Variants in CAPN15 observed in about 807,000 individuals in gnomAD.
CAPN15 encodes calpain-15.
A neutral mutation model predicts 97.9 loss-of-function variants in CAPN15; 53 were observed. The observed-to-expected ratio is 0.54, with a 90% CI of 0.43 to 0.68. CAPN15 has a LOEUF of 0.68. CAPN15 is among the 30% of genes least tolerant of loss of function. The pLI is 0.00. For missense variants in CAPN15, 1,592 were observed against 1,589.8 expected (o/e 1.00, Z -0.02); for synonymous variants, 922 against 722.5 (o/e 1.28, Z -4.43).
chr16:549,967 C>T (rs1422021297), intron 7 of CAPN15, 129 bp downstream of exon 7: 3 of 734,682 alleles, frequency 4.1e-6, no homozygotes, highest in Non-Finnish European at 6.7e-6. Flanking sequence ...TGGGCTGACC[C>T]CGCGTGGCCA....
intron 3 of CAPN15, among the ~76,000 whole-genome samples, chr16:546,126 C>T (rs1358698760): frequency 6.6e-6 from 1 of 152,256 alleles, no homozygotes; most frequent in Non-Finnish European, 1.5e-5. Context: ...GCCCTCGCCA[C>T]GCGGGGCTGA....
rs368609287 is a variant in CAPN15, at chr16:551,715, G to A, written c.2345+51G>A. ...ACGCCGCCCCCGCCCTCCTAGGGCCGAGTCCTTCTCTGGAGAACAAGCCTG... is the reference window on the plus strand; with the variant it reads ...ACGCCGCCCCCGCCCTCCTAGGGCCAAGTCCTTCTCTGGAGAACAAGCCTG... On this transcript the variant is annotated intron_variant, in intron 9 of 13. Transcript: ENST00000219611. 82 of 1,574,810 alleles carry A rather than the reference G, an allele frequency of 5.2e-5. No individual in the cohort carries two copies. In the African/African-American group the frequency reaches 7.9e-4, roughly 15 times the overall value.
chr16:551,463 G>A (rs759295786), intron 8 of CAPN15, 36 bp downstream of exon 8: 28 of 1,599,822 alleles, frequency 1.8e-5, no homozygotes, highest in African/African-American at 1.1e-4. Context: ...GTGGGGTGCC[G>A]GTGAGACTCG....
chr16:534,651 G>C (rs539207801), intron 2 of CAPN15, among the ~76,000 whole-genome samples: 1 of 152,196 alleles, frequency 6.6e-6, no homozygotes, highest in African/African-American at 2.4e-5. Flanking sequence ...ACTGAGCTTC[G>C]TCCCGGTAGT....
At chr16:545,087 A>G (rs939687517) in intron 3 of CAPN15, among the ~76,000 whole-genome samples, 3 of 151,696 alleles carry the variant, frequency 2.0e-5, no homozygotes, top group Non-Finnish European at 2.9e-5. Context: ...TTTTACTTCC[A>G]GGCTTTGGCG....
Position 552,801 on chromosome 16 carries a change from T to TGGGGGGGGGGGGGGG in CAPN15, c.2904+34_2904+35insGGGGGGGGGGGGGGG. 1 of 1,504,510 alleles carries TGGGGGGGGGGGGGGG rather than the reference T, an allele frequency of 6.6e-7. No individual in the cohort carries two copies. The highest frequency in any genetic ancestry group is 8.9e-7 in the Non-Finnish European group (1 of 1,119,142). 93.2% of individuals were successfully genotyped at this position (1,504,510 alleles called of 1,614,324 possible). ...GTGGGGGTCCCGGGGGAGGGTGGCG[T>TGGGGGGGGGGGGGGG]GGGGCAGGGGGAGTATGCCCCAGCA... On this transcript the variant is annotated intron_variant, in intron 12 of 13. Coordinates refer to ENST00000219611, the MANE Select transcript of CAPN15 (RefSeq NM_005632.3). This position sits in a 1 kb window ranked among gnomAD's most constrained non-coding sequence, Gnocchi z 6.4.
intron 3 of CAPN15, among the ~76,000 whole-genome samples, chr16:545,984 G>T (rs750655254): frequency 6.6e-6 from 1 of 152,248 alleles, no homozygotes; most frequent in South Asian, 2.1e-4. Flanking sequence ...TCTACGGGCA[G>T]ATTGCTTGGG....
intron 7 of CAPN15, 127 bp downstream of exon 7, chr16:549,965 C>T: frequency 1.4e-6 from 1 of 735,874 alleles, no homozygotes; most frequent in Non-Finnish European, 2.2e-6. Flanking sequence ...CGTGGGCTGA[C>T]CCCGCGTGGC....
At chr16:537,520 C>G in intron 3 of CAPN15, 1 of 872,656 alleles carries the variant, frequency 1.1e-6, no homozygotes, top group Middle Eastern at 5.8e-4. Flanking sequence ...GGCAGGGCTC[C>G]TGTCAGAGCC....
chr16:548,046 A>G lies in CAPN15; in HGVS notation c.1208A>G (p.Gln403Arg), dbSNP rs2034724189. 1.0e-5 allele frequency: 16 copies of G among 1,557,768 alleles called. No individual in the cohort carries two copies. In the South Asian group the frequency reaches 1.4e-4, roughly 14 times the overall value. Residue 403 changes from glutamine (Q) to arginine (R), a missense_variant, in exon 4 of 14, where the codon CAG becomes CGG. Physicochemically the swap from Gln to Arg is conservative, Grantham distance 43. This residue lies in a region of CAPN15 where 883 missense variants were observed against 776.6 expected (regional missense o/e 1.14). Coordinates refer to ENST00000219611, the MANE Select transcript of CAPN15 (RefSeq NM_005632.3). ...AGCTGCGGACGGGTGTCCTCGGCCC[A>G]GAAGGCCGCCCGCGTCCTGCCCGAG... ...GRSCGRVSSA[Q>R]KAARVLPERP...
At position 551,435 on chromosome 16, in the gene CAPN15, C is replaced by T. The variant is rs144209708; in HGVS notation, c.2192+8C>T. 2.9e-3 allele frequency: 4,581 copies of T among 1,603,560 alleles called. 8 individuals carry two copies. The highest frequency in any genetic ancestry group is 3.4e-3 in the Non-Finnish European group (4,009 of 1,172,902). On this transcript the variant is annotated splice_region_variant and intron_variant, in intron 8 of 13. Coordinates refer to ENST00000219611, the MANE Select transcript of CAPN15 (RefSeq NM_005632.3). ...AGATGTCCAGGGCACCAGGTAGGGCCGGCCTGGCTGAGGGTGGGTGGGGTG... is the reference window on the plus strand; with the variant it reads ...AGATGTCCAGGGCACCAGGTAGGGCTGGCCTGGCTGAGGGTGGGTGGGGTG...
At position 552,590 on chromosome 16, in the gene CAPN15, C is replaced by T. The variant is rs372051060; in HGVS notation, c.2738-15C>T. ...CCCACGGGGAGGGCTGCGGTTCACA[C>T]GCCCGTCCTTGTAGCCTCCAGCCCC... On this transcript the variant is annotated splice_polypyrimidine_tract_variant and intron_variant, in intron 11 of 13. Transcript: ENST00000219611. The surrounding 1 kb of genome is among the most constrained non-coding windows in gnomAD (Gnocchi z 6.4). The T allele has an allele frequency of 2.7e-5, 42 of 1,548,422 alleles. No individual in the cohort carries two copies. Among genetic ancestry groups the T allele is most frequent in the South Asian group, 1.3e-4 (11 of 86,048 alleles).
chr16:548,867 A>C, intron 4 of CAPN15, 126 bp from the exon 5 acceptor site: 1 of 885,046 alleles, frequency 1.1e-6, no homozygotes, highest in South Asian at 1.5e-5. Context: ...GTGGCTGTCC[A>C]CGCTCCACCC....
chr16:530,460 A>ACGG (rs2033171626), intron 1 of CAPN15, among the ~76,000 whole-genome samples: 1 of 152,190 alleles, frequency 6.6e-6, no homozygotes, highest in African/African-American at 2.4e-5. Flanking sequence ...TGGCGTGGAC[A>ACGG]CGGCCACACC....
intron 2 of CAPN15, among the ~76,000 whole-genome samples, chr16:534,223 G>A (rs766789545): frequency 6.6e-6 from 1 of 152,160 alleles, no homozygotes; most frequent in African/African-American, 2.4e-5. Context: ...GGCGGCCCGG[G>A]GTCCCGACAG....
rs182123844 is a variant in CAPN15 at position 553,753 on chromosome 16, G to A, written c.*237G>A. The A allele has an allele frequency of 1.5e-3, 636 of 422,450 alleles. 3 individuals carry two copies. The highest frequency in any genetic ancestry group is 0.012 in the African/African-American group (573 of 49,236). 26.2% of individuals were successfully genotyped at this position (422,450 alleles called of 1,614,324 possible). ...CCACGCAGAATACCTCGAACCAGGC[G>A]GGCTGTGAACCAGCCCCGCTCACCT... On this transcript the variant is annotated 3_prime_UTR_variant, in exon 14 of 14. Transcript: ENST00000219611.
chr16:549,603 G>T lies in CAPN15; in HGVS notation c.1843-12G>T. On this transcript the variant is annotated splice_polypyrimidine_tract_variant and intron_variant, in intron 6 of 13. Transcript: ENST00000219611. Reference sequence around the variant, plus strand: ...GGCGGGCGGGGGTGGCCTCTGACCCGGCCCTCTGCAGGCGCAGCGGAAGCA... The same window carrying T: ...GGCGGGCGGGGGTGGCCTCTGACCCTGCCCTCTGCAGGCGCAGCGGAAGCA... 2 of 1,531,274 alleles carry T rather than the reference G, an allele frequency of 1.3e-6. No individual in the cohort carries two copies. Among genetic ancestry groups the T allele is most frequent in the Non-Finnish European group, 8.8e-7 (1 of 1,141,800 alleles). 94.9% of individuals were successfully genotyped at this position (1,531,274 alleles called of 1,614,324 possible).
intron 2 of CAPN15, among the ~76,000 whole-genome samples, chr16:534,931 GT>G (rs2033592602): frequency 6.6e-6 from 1 of 152,192 alleles, no homozygotes; most frequent in South Asian, 2.1e-4. Flanking sequence ...TGCTGTGTGA[GT>G]GGGACACGCC....
intron 3 of CAPN15, chr16:540,361 C>T (rs907377418): frequency 1.8e-5 from 18 of 985,354 alleles, no homozygotes; most frequent in East Asian, 1.1e-4. Context: ...CCCACGGCCC[C>T]GGGCCCGAAG....
Sources: allele counts gnomAD v4.1 joint callset (sites outside exome capture counted in the v4.1 genomes callset), GRCh38; gene constraint gnomAD v4.1.1; regional missense constraint gnomAD v4.1.1; non-coding constraint Gnocchi (gnomAD v3.1); transcripts MANE v1.5; gene names NCBI Gene and HGNC (gene_info 2026-07-23, HGNC 2026-07-21).